Variants in KLF12 observed in about 807,000 individuals in gnomAD.
KLF12 encodes the protein Krueppel-like factor 12.
Under a neutral mutation model 37.8 loss-of-function variants are expected in KLF12, and 9 were observed. The observed-to-expected ratio is 0.24, with a 90% CI of 0.14 to 0.42. The LOEUF is 0.42. Among genes scored for constraint, KLF12 ranks in the 10% least tolerant of loss-of-function variants. The pLI is 1.00. For synonymous variants in KLF12, 208 were observed against 202.1 expected, an observed-to-expected ratio of 1.03 and a Z score of -0.25; for missense variants, 411 against 516.0, an observed-to-expected ratio of 0.80 and a Z score of 1.97.
intron 2 of KLF12, among the ~76,000 whole-genome samples, chr13:73,964,835 A>G (rs1265505497): frequency 6.6e-6 from 1 of 152,162 alleles, no homozygotes; most frequent in East Asian, 1.9e-4. Flanking sequence ...AACAAAAAAC[A>G]TGATCAGAAT....
At chr13:73,890,555 C>A (rs1186494865) in intron 3 of KLF12, among the ~76,000 whole-genome samples, 2 of 151,904 alleles carry the variant, frequency 1.3e-5, no homozygotes, top group African/African-American at 4.8e-5. Flanking sequence ...AAAAAATTAA[C>A]AGACACTTAA....
At chr13:74,022,894 C>A (rs1892880153) in intron 1 of KLF12, among the ~76,000 whole-genome samples, 2 of 151,066 alleles carry the variant, frequency 1.3e-5, no homozygotes, top group Admixed American at 6.6e-5. Flanking sequence ...AAAAAAATCA[C>A]CGGGAGCTTC....
intron 1 of KLF12, among the ~76,000 whole-genome samples, chr13:74,016,357 T>C (rs1892688659): frequency 6.6e-6 from 1 of 151,616 alleles, no homozygotes. Flanking sequence ...GAATTCCAGA[T>C]TTGGTTTGTT....
chr13:73,963,559 A>C (rs1440048247), intron 2 of KLF12, among the ~76,000 whole-genome samples: 1 of 152,342 alleles, frequency 6.6e-6, no homozygotes, highest in East Asian at 1.9e-4. Context: ...GTCATTCAAC[A>C]ATGTTTTTGG....
At chr13:73,933,981 T>C (rs1889804905) in intron 3 of KLF12, among the ~76,000 whole-genome samples, 1 of 152,140 alleles carries the variant, frequency 6.6e-6, no homozygotes, top group Non-Finnish European at 1.5e-5. Context: ...AACTCTATAC[T>C]CACAGGACAA....
At chr13:73,786,805 G>A (rs895534571) in intron 5 of KLF12, among the ~76,000 whole-genome samples, 2 of 150,238 alleles carry the variant, frequency 1.3e-5, no homozygotes, top group African/African-American at 4.9e-5. Context: ...TGCACCTGTA[G>A]TCCCAGTGAC....
chr13:74,259,284 G>A, the KLF12 span: 2 of 152,162 alleles, frequency 1.3e-5, no homozygotes, highest in Non-Finnish European at 2.9e-5. Flanking sequence ...TTCTAGCCTC[G>A]AATTCCTCTT....
the KLF12 span, among the ~76,000 whole-genome samples, chr13:74,195,247 G>T: frequency 7.2e-5 from 11 of 152,152 alleles, no homozygotes; most frequent in African/African-American, 2.7e-4. Flanking sequence ...ACTTTTAGTG[G>T]AAAAGAAAGT....
chr13:74,209,547 CA>C, the KLF12 span, among the ~76,000 whole-genome samples: 1 of 151,814 alleles, frequency 6.6e-6, no homozygotes, highest in Non-Finnish European at 1.5e-5. Flanking sequence ...CACACACACA[CA>C]CACACACACA....
At chr13:73,813,426 C>A (rs1883049546) in intron 4 of KLF12, 139 bp from the exon 5 acceptor site, 1 of 935,272 alleles carries the variant, frequency 1.1e-6, no homozygotes, top group Admixed American at 2.4e-5. Context: ...TCAGTGAAAG[C>A]TCCAGGTTTT....
chr13:74,036,137 C>T (rs1427600015), intron 1 of KLF12, among the ~76,000 whole-genome samples: 1 of 152,124 alleles, frequency 6.6e-6, no homozygotes, highest in African/African-American at 2.4e-5. Flanking sequence ...CTGACACCAC[C>T]CACTCTCTAA....
chr13:73,728,476 G>C (rs1876829737), intron 6 of KLF12, among the ~76,000 whole-genome samples: 1 of 152,178 alleles, frequency 6.6e-6, no homozygotes. Context: ...AATGTTGAGT[G>C]AAAGTCCTGT....
rs544530659 is a variant in KLF12 at position 73,823,273 on chromosome 13, T to TA, written c.671-9987dup. On this transcript the variant is annotated intron_variant, in intron 4 of 7. Transcript: ENST00000377669. Reference sequence around the variant, plus strand: ...AGGTACTTTAAATGTAAGAAATACTTAAAAAAAAAAAAGAGCAAAAAATCC... The same window carrying TA: ...AGGTACTTTAAATGTAAGAAATACTTAAAAAAAAAAAAAGAGCAAAAAATCC... 5.3e-3 allele frequency among the ~76,000 whole-genome samples: 762 copies of TA among 144,582 alleles called. 8 individuals are homozygous for TA. Among genetic ancestry groups the TA allele is most frequent in the African/African-American group, 0.015 (581 of 39,608 alleles). The allele number at this position is 144,582 out of a possible 152,430, so 94.9% of individuals were successfully genotyped here.
chr13:74,287,443 TTC>T, the KLF12 span, among the ~76,000 whole-genome samples: 1 of 148,190 alleles, frequency 6.7e-6, no homozygotes, highest in East Asian at 2.1e-4. Context: ...ACTAAGCTGC[TTC>T]TTTGTCTGAA....
At chr13:73,929,486 T>C (rs1889564045) in intron 3 of KLF12, among the ~76,000 whole-genome samples, 1 of 152,092 alleles carries the variant, frequency 6.6e-6, no homozygotes. Context: ...CGCATAGTCA[T>C]CAAAATAAGA....
At chr13:74,073,321 A>G (rs1874385178) in intron 1 of KLF12, among the ~76,000 whole-genome samples, 1 of 152,172 alleles carries the variant, frequency 6.6e-6, no homozygotes, top group Non-Finnish European at 1.5e-5. Flanking sequence ...TTAAAAAATC[A>G]GTTATTTGCC....
intron 6 of KLF12, among the ~76,000 whole-genome samples, chr13:73,757,484 T>G (rs1414886630): frequency 6.6e-6 from 1 of 152,218 alleles, no homozygotes; most frequent in African/African-American, 2.4e-5. Context: ...TATGAAGATC[T>G]GGTGGTCAAC....
intron 3 of KLF12, among the ~76,000 whole-genome samples, chr13:73,895,873 T>C (rs1309634157): frequency 6.7e-6 from 1 of 149,790 alleles, no homozygotes; most frequent in African/African-American, 2.5e-5. Flanking sequence ...CAGGCTGGAG[T>C]GCAGTGGAGT....
intron 3 of KLF12, among the ~76,000 whole-genome samples, chr13:73,859,170 A>G (rs1885775470): frequency 6.6e-6 from 1 of 152,138 alleles, no homozygotes; most frequent in Admixed American, 6.5e-5. Flanking sequence ...GTGCCAATGC[A>G]CTTCAGTCTT....
Sources: allele counts gnomAD v4.1 joint callset (sites outside exome capture counted in the v4.1 genomes callset), GRCh38; gene constraint gnomAD v4.1.1; transcripts MANE v1.5; gene names NCBI Gene and HGNC (gene_info 2026-07-23, HGNC 2026-07-21).